HIP1: variants seen among roughly 807,000 people sequenced by gnomAD.
HIP1 encodes the protein huntingtin-interacting protein 1.
Under a neutral mutation model 147.6 loss-of-function variants are expected in HIP1, and 65 were observed. The ratio of observed to expected loss-of-function variants is 0.44; its 90% CI spans 0.36 to 0.54. The LOEUF (loss-of-function observed/expected upper bound fraction) is 0.54, where lower values mean the gene tolerates loss of function less well. Among genes scored for constraint, HIP1 ranks in the 20% least tolerant of loss-of-function variants. HIP1 has a pLI of 0.00. For synonymous variants in HIP1, 479 were observed against 504.0 expected (o/e 0.95, Z 0.67); for missense variants, 1,061 against 1,299.6 (o/e 0.82, Z 2.82).
chr7:75,636,983 C>T (rs1798447192), intron 1 of HIP1, among the ~76,000 whole-genome samples: 1 of 152,162 alleles, frequency 6.6e-6, no homozygotes, highest in Non-Finnish European at 1.5e-5. Flanking sequence ...ACAGGCAATG[C>T]CTACCCCACC....
chr7:75,613,870 G>A (rs782553602), intron 1 of HIP1, among the ~76,000 whole-genome samples: 7 of 151,998 alleles, frequency 4.6e-5, no homozygotes, highest in Non-Finnish European at 1.0e-4. Context: ...GACGACAGGT[G>A]CATGCCACCA....
chr7:75,670,276 G>A (rs566152976), intron 1 of HIP1, among the ~76,000 whole-genome samples: 33 of 149,966 alleles, frequency 2.2e-4, no homozygotes, highest in Non-Finnish European at 3.9e-4. Flanking sequence ...TCAGCCTCCC[G>A]GGTAGCTGGG....
chr7:75,729,091 A>G (rs1261569273), intron 1 of HIP1, among the ~76,000 whole-genome samples: 1 of 150,988 alleles, frequency 6.6e-6, no homozygotes, highest in Non-Finnish European at 1.5e-5. Flanking sequence ...GAGGAAAAAA[A>G]GTGTAGAGGA....
intron 1 of HIP1, chr7:75,639,086 A>AC (rs1242597943): frequency 1.6e-4 from 160 of 982,256 alleles, no homozygotes; most frequent in Middle Eastern, 5.2e-4. Context: ...GCTGCGGGGC[A>AC]CCCCCCCACC....
At chr7:75,730,683 AG>A (rs1801810711) in intron 1 of HIP1, among the ~76,000 whole-genome samples, 1 of 151,762 alleles carries the variant, frequency 6.6e-6, no homozygotes, top group Admixed American at 6.6e-5. Context: ...AGGATCGAAA[AG>A]GGTGGCTCAT....
chr7:75,721,742 G>C (rs1801510857), intron 1 of HIP1, among the ~76,000 whole-genome samples: 2 of 152,192 alleles, frequency 1.3e-5, no homozygotes, highest in South Asian at 4.1e-4. Context: ...AGTTATCTGG[G>C]TGAATAACTT....
At chr7:75,624,024 T>A (rs1169332993) in intron 1 of HIP1, among the ~76,000 whole-genome samples, 2 of 152,126 alleles carry the variant, frequency 1.3e-5, no homozygotes, top group Non-Finnish European at 2.9e-5. Context: ...AACGCTGCAG[T>A]GAGCTATGAT....
intron 1 of HIP1, among the ~76,000 whole-genome samples, chr7:75,716,323 A>G (rs1453998921): frequency 4.1e-5 from 6 of 147,762 alleles, no homozygotes; most frequent in Admixed American, 1.4e-4. Context: ...CACCTCCTGG[A>G]TTCAAGCAAT....
chr7:75,638,071 C>T (rs1256087793), intron 1 of HIP1, among the ~76,000 whole-genome samples: 1 of 146,478 alleles, frequency 6.8e-6, no homozygotes, highest in Non-Finnish European at 1.5e-5. Flanking sequence ...GCCCTGATTG[C>T]CTCCCCCCTC....
chr7:75,629,346 C>A (rs1183415414), intron 1 of HIP1, among the ~76,000 whole-genome samples: 1 of 152,164 alleles, frequency 6.6e-6, no homozygotes, highest in East Asian at 1.9e-4. Context: ...GCCCTCACAC[C>A]TGTGCCCACT....
intron 1 of HIP1, among the ~76,000 whole-genome samples, chr7:75,607,518 C>T (rs1458102000): frequency 7.1e-5 from 10 of 140,916 alleles, no homozygotes; most frequent in Non-Finnish European, 1.4e-4. Flanking sequence ...CATGAGCCAC[C>T]ATGCCCAGCC....
At chr7:75,609,888 CT>C (rs1554504517) in intron 1 of HIP1, among the ~76,000 whole-genome samples, 1 of 148,134 alleles carries the variant, frequency 6.8e-6, no homozygotes, top group Non-Finnish European at 1.5e-5. Flanking sequence ...TTCCTTCTTT[CT>C]TTTCTCTTCT....
At chr7:75,702,509 G>A (rs113152880) in intron 1 of HIP1, among the ~76,000 whole-genome samples, 1,607 of 152,362 alleles carry the variant, frequency 0.011, 38 homozygotes, top group African/African-American at 0.036. Context: ...CTCCCAAAGT[G>A]CTGGGATTAC....
At chr7:75,637,987 C>CA (rs1798489396) in intron 1 of HIP1, among the ~76,000 whole-genome samples, 12 of 53,166 alleles carry the variant, frequency 2.3e-4, no homozygotes, top group African/African-American at 1.1e-3. Context: ...ACCCCCCCCC[C>CA]CCCCCCACAC....
chr7:75,729,659 G>A (rs569310812), intron 1 of HIP1, among the ~76,000 whole-genome samples: 8 of 151,356 alleles, frequency 5.3e-5, no homozygotes, highest in African/African-American at 1.7e-4. Context: ...GGTGGCAGGC[G>A]CCTGTAATCC....
At chr7:75,603,320 C>A (rs782541597) in intron 1 of HIP1, among the ~76,000 whole-genome samples, 69 of 144,152 alleles carry the variant, frequency 4.8e-4, no homozygotes, top group Non-Finnish European at 8.8e-4. Flanking sequence ...TGCACTCCAG[C>A]CTGGGTGACA....
chr7:75,569,870 T>C (rs1434985301), intron 8 of HIP1, among the ~76,000 whole-genome samples: 1 of 151,838 alleles, frequency 6.6e-6, no homozygotes, highest in Admixed American at 6.6e-5. Context: ...CACATGCATG[T>C]ACCGGGTGAG....
intron 8 of HIP1, among the ~76,000 whole-genome samples, chr7:75,569,029 C>T (rs1554496093): frequency 6.6e-6 from 1 of 151,738 alleles, no homozygotes; most frequent in East Asian, 1.9e-4. Context: ...GGGATTGAGG[C>T]TTGGGATCTG....
At chr7:75,564,585 T>G (rs1795340919) in intron 9 of HIP1, among the ~76,000 whole-genome samples, 1 of 151,900 alleles carries the variant, frequency 6.6e-6, no homozygotes, top group African/African-American at 2.4e-5. Flanking sequence ...TGAGCCAATG[T>G]GCCCTGCCTA....
Sources: allele counts gnomAD v4.1 joint callset (sites outside exome capture counted in the v4.1 genomes callset), GRCh38; gene constraint gnomAD v4.1.1; transcripts MANE v1.5; gene names NCBI Gene and HGNC (gene_info 2026-07-23, HGNC 2026-07-21).